Variants in GPATCH1 observed in about 807,000 individuals in gnomAD.
The protein encoded by GPATCH1 is G patch domain-containing protein 1.
A neutral mutation model predicts 114.9 loss-of-function variants in GPATCH1; 73 were observed. That is an observed-to-expected ratio of 0.64 (90% CI 0.53 to 0.77). GPATCH1 has a LOEUF of 0.77. GPATCH1 is among the 30% of genes least tolerant of loss of function. The probability of loss-of-function intolerance (pLI) is 0.00; values close to 1 mark genes in which losing one functional copy is unlikely to be tolerated. For synonymous variants in GPATCH1, 391 were observed against 428.4 expected, an observed-to-expected ratio of 0.91 and a Z score of 1.08; for missense variants, 1,058 against 1,144.3, an observed-to-expected ratio of 0.92 and a Z score of 1.09.
intron 1 of GPATCH1, among the ~76,000 whole-genome samples, chr19:33,082,261 A>G (rs1387132437): frequency 6.6e-6 from 1 of 152,156 alleles, no homozygotes; most frequent in African/African-American, 2.4e-5. Flanking sequence ...TGTTCCACTT[A>G]ACGACTTGAC....
At chr19:33,114,518 C>A in intron 15 of GPATCH1, 99 bp downstream of exon 15, 1 of 930,866 alleles carries the variant, frequency 1.1e-6, no homozygotes, top group Non-Finnish European at 1.6e-6. Context: ...CAGAGGCAGC[C>A]AACTATTGAT....
chr19:33,121,323 T>TC (rs1319395274), intron 17 of GPATCH1, among the ~76,000 whole-genome samples: 1 of 146,442 alleles, frequency 6.8e-6, no homozygotes, highest in Admixed American at 6.8e-5. Flanking sequence ...TTCTTTTCTT[T>TC]TTTTTTTTTT....
chr19:33,094,116 A>G (rs1972627825), intron 4 of GPATCH1, 56 bp from the exon 5 acceptor site: 2 of 963,826 alleles, frequency 2.1e-6, no homozygotes, highest in Non-Finnish European at 3.4e-6. Context: ...CGCTTATTTC[A>G]TATTCTTTGT....
rs1375863524 is a variant in GPATCH1 at position 33,125,221 on chromosome 19, C to A, written c.2619+19C>A. The A allele has an allele frequency of 2.5e-6, 4 of 1,579,080 alleles. No homozygotes were observed. Among genetic ancestry groups the A allele is most frequent in the Middle Eastern group, 1.7e-4 (1 of 6,026 alleles). On this transcript the variant is annotated intron_variant, in intron 18 of 19. Coordinates refer to ENST00000170564, the MANE Select transcript of GPATCH1 (RefSeq NM_018025.3). ...AGAGAAGGTGAGAGACTTGTGTGTA[C>A]CCCAGGATCAGTGTGGGGTGGGACC...
intron 17 of GPATCH1, among the ~76,000 whole-genome samples, chr19:33,123,512 G>C (rs1176426015): frequency 6.6e-6 from 1 of 152,168 alleles, no homozygotes; most frequent in African/African-American, 2.4e-5. Flanking sequence ...CACTTTGGGA[G>C]GCTAAGGTCA....
intron 13 of GPATCH1, 131 bp downstream of exon 13, chr19:33,112,744 TC>T: frequency 1.7e-6 from 1 of 597,996 alleles, no homozygotes; most frequent in Admixed American, 3.7e-5. Context: ...GATATACAAA[TC>T]TACACATTTT....
chr19:33,095,765 C>T lies in GPATCH1; in HGVS notation c.557C>T (p.Pro186Leu), dbSNP rs745615202. ...GCATTTGAAATCTCTTTTCTAGATC[C>T]TGGAGTCAAAATCTATGGCTGTGCA... ...KRRPRRQKPD[P>L]GVKIYGCALP... is the part of the protein sequence containing the mutation. The change falls in exon 6 of 20, where the codon CCT becomes CTT. Residue 186 changes from proline (P) to leucine (L), a missense_variant. By Grantham distance (98) the Pro-to-Leu change is moderately conservative (BLOSUM62 -3). Coordinates refer to ENST00000170564, the MANE Select transcript of GPATCH1 (RefSeq NM_018025.3). 1.2e-6 allele frequency: 2 copies of T among 1,607,736 alleles called. No individual in the cohort carries two copies. Among genetic ancestry groups the T allele is most frequent in the Admixed American group, 1.7e-5 (1 of 59,980 alleles).
intron 2 of GPATCH1, among the ~76,000 whole-genome samples, chr19:33,089,710 T>G (rs1211409472): frequency 6.8e-6 from 1 of 148,030 alleles, no homozygotes; most frequent in Non-Finnish European, 1.5e-5. Context: ...AACCTCCGCC[T>G]CCTGGGTTCA....
intron 2 of GPATCH1, among the ~76,000 whole-genome samples, chr19:33,089,580 A>G (rs893804584): frequency 9.2e-5 from 14 of 152,022 alleles, no homozygotes; most frequent in Non-Finnish European, 2.9e-5. Flanking sequence ...ATTAATTCAC[A>G]TAGCAATTAT....
At chr19:33,104,347 G>GA (rs1568343920) in intron 9 of GPATCH1, among the ~76,000 whole-genome samples, 5 of 140,550 alleles carry the variant, frequency 3.6e-5, no homozygotes, top group East Asian at 2.1e-4. Flanking sequence ...TCAAAAAAAA[G>GA]AAAGAAATAC....
At chr19:33,114,116 C>T in intron 14 of GPATCH1, 137 bp from the exon 15 acceptor site, 1 of 931,116 alleles carries the variant, frequency 1.1e-6, no homozygotes, top group Non-Finnish European at 1.7e-6. Flanking sequence ...GCCTCTGCCA[C>T]CTACCTCCCC....
At chr19:33,119,684 T>C (rs1326626854) in intron 17 of GPATCH1, among the ~76,000 whole-genome samples, 2 of 135,088 alleles carry the variant, frequency 1.5e-5, no homozygotes, top group African/African-American at 5.8e-5. Context: ...GGTGACTGAG[T>C]GAGACTCTGC....
intron 9 of GPATCH1, among the ~76,000 whole-genome samples, chr19:33,103,445 A>C (rs546400646): frequency 6.6e-6 from 1 of 152,314 alleles, no homozygotes; most frequent in East Asian, 1.9e-4. Flanking sequence ...TCACACCTAT[A>C]ATCCCAACAC....
chr19:33,094,160 T>G lies in GPATCH1; in HGVS notation c.456-12T>G. ...TTTTGAAAAGTTCATTTTCAATGCCTTGCTATCCTAGATTATCTGTTGGTT... is the reference window on the plus strand; with the variant it reads ...TTTTGAAAAGTTCATTTTCAATGCCGTGCTATCCTAGATTATCTGTTGGTT... On this transcript the variant is annotated splice_polypyrimidine_tract_variant and intron_variant, in intron 4 of 19. Transcript: ENST00000170564. 1 of 1,396,070 alleles carries G rather than the reference T, an allele frequency of 7.2e-7. No homozygotes were observed. Among genetic ancestry groups the G allele is most frequent in the Non-Finnish European group, 1.0e-6 (1 of 981,640 alleles). The allele number at this position is 1,396,070 out of a possible 1,614,324, so 86.5% of individuals were successfully genotyped here.
chr19:33,091,761 GAA>G (rs1006655185), intron 3 of GPATCH1, among the ~76,000 whole-genome samples: 4 of 151,820 alleles, frequency 2.6e-5, no homozygotes, highest in Admixed American at 6.6e-5. Flanking sequence ...AAAGTTGAAG[GAA>G]AAAAAAGATT....
chr19:33,129,549 G>A (rs962194201), intron 19 of GPATCH1, among the ~76,000 whole-genome samples: 13 of 152,146 alleles, frequency 8.5e-5, no homozygotes, highest in African/African-American at 3.1e-4. Flanking sequence ...TATTCTCAAG[G>A]CTAAATAAGA....
At position 33,130,133 on chromosome 19, in the gene GPATCH1, GAA is replaced by G. The variant is rs777823124; in HGVS notation, c.2772_2773del (p.Leu926SerfsTer15). The G allele has an allele frequency of 3.0e-5, 49 of 1,611,420 alleles. No homozygotes were observed. The African/African-American group carries it at 6.3e-4, about 21-fold the overall frequency. ...TCTTTTCTGTTTTCTTTTCCAGGCT[GAA>G]AAGTCTTCCACTAAGAAGGCAGTAA... ...VSPQELLRRL[K>X]SLPLRRQ On this transcript the variant is annotated frameshift_variant, in exon 20 of 20. Coordinates refer to ENST00000170564, the MANE Select transcript of GPATCH1 (RefSeq NM_018025.3). LOFTEE classifies it high-confidence loss of function.
chr19:33,083,243 CAAAA>C (rs759998717), intron 1 of GPATCH1, among the ~76,000 whole-genome samples: 5 of 61,682 alleles, frequency 8.1e-5, no homozygotes, highest in African/African-American at 3.0e-4. Flanking sequence ...GACTCTGTCT[CAAAA>C]AAAAAAAAAA....
chr19:33,083,789 G>T (rs756056790), intron 1 of GPATCH1, among the ~76,000 whole-genome samples: 19 of 152,122 alleles, frequency 1.2e-4, no homozygotes, highest in Non-Finnish European at 2.8e-4. Flanking sequence ...AGTAATACAA[G>T]TTTTTGAGGA....
Sources: gnomAD v4.1 joint callset for allele counts (sites outside exome capture counted in the v4.1 genomes callset) on GRCh38, gnomAD v4.1.1 for gene constraint, MANE v1.5 for transcripts, NCBI Gene and HGNC (gene_info 2026-07-23, HGNC 2026-07-21) for gene names.